Variants in CFAP410 observed in about 807,000 individuals in gnomAD.
CFAP410 encodes cilia- and flagella-associated protein 410.
A neutral mutation model predicts 25.7 loss-of-function variants in CFAP410; 27 were observed. The observed-to-expected ratio is 1.05, with a 90% CI of 0.77 to 1.45. CFAP410 has a LOEUF of 1.45. Ranked by LOEUF, CFAP410 falls within the 40% of genes most tolerant of loss-of-function variation. The pLI, the probability that CFAP410 is intolerant of heterozygous loss-of-function variation, is 0.00. For synonymous variants in CFAP410, 178 were observed against 158.4 expected (o/e 1.12, Z -0.93); for missense variants, 428 against 354.1 (o/e 1.21, Z -1.67).
At chr21:44,330,993 C>A in intron 5 of CFAP410, 74 bp from the exon 6 acceptor site, 1 of 1,319,644 alleles carries the variant, frequency 7.6e-7, no homozygotes, top group South Asian at 1.5e-5. Context: ...ACCCTGTCTG[C>A]GGGTCGCATC....
chr21:44,333,473 G>A, intron 3 of CFAP410: 1 of 593,888 alleles, frequency 1.7e-6, no homozygotes, highest in East Asian at 2.8e-5. Flanking sequence ...AAGGCGGACT[G>A]GGGTGGACCC....
intron 4 of CFAP410, chr21:44,332,830 A>T: frequency 1.7e-6 from 1 of 595,786 alleles, no homozygotes. Context: ...GAGGGACCCT[A>T]CGCTGCGCTG....
intron 3 of CFAP410, chr21:44,334,574 C>T: frequency 3.6e-6 from 1 of 276,144 alleles, no homozygotes; most frequent in South Asian, 3.0e-5. Context: ...TGCTCAACCT[C>T]TGGACTCGGG....
rs2047782613 is a variant in CFAP410 at position 44,337,749 on chromosome 21, A to G, written c.78-82T>C. On this transcript the variant is annotated intron_variant, in intron 1 of 6. Coordinates refer to ENST00000339818, the MANE Select transcript of CFAP410 (RefSeq NM_004928.3). Reference sequence around the variant, plus strand: ...AAGACAAAAATTCCAAAAATCACCGATGACTCCCTACAAACCTTAAGATTC... The same window carrying G: ...AAGACAAAAATTCCAAAAATCACCGGTGACTCCCTACAAACCTTAAGATTC... 9.0e-6 allele frequency: 10 copies of G among 1,110,196 alleles called. No homozygotes were observed. The Admixed American group carries it at 1.6e-4, about 18-fold the overall frequency. 68.8% of individuals were successfully genotyped at this position (1,110,196 alleles called of 1,614,324 possible).
intron 2 of CFAP410, among the ~76,000 whole-genome samples, chr21:44,336,548 C>T (rs2047759885): frequency 6.6e-6 from 1 of 152,170 alleles, no homozygotes. Flanking sequence ...GCAAAGCTCC[C>T]ACATATGTGA....
At position 44,333,174 on chromosome 21, in the gene CFAP410, C is replaced by T; in HGVS notation, c.232G>A (p.Ala78Thr). The T allele has an allele frequency of 6.2e-7, 1 of 1,612,876 alleles. No homozygotes were observed. The highest frequency in any genetic ancestry group is 1.3e-5 in the African/African-American group (1 of 75,060). The change falls in exon 4 of 7, where the codon GCT becomes ACT. Residue 78 changes from alanine (A) to threonine (T), a missense_variant. Coordinates refer to ENST00000339818, the MANE Select transcript of CFAP410 (RefSeq NM_004928.3). ...YLRRNRIPSLAELFYLKGLPR... is the reference protein window; with the variant it reads ...YLRRNRIPSLTELFYLKGLPR... ...AGCCCCTTCAGGTAGAAGAGCTCAGCCAGGCTGGGGATGCGGTTCCTCCGC... is the reference window on the plus strand; with the variant it reads ...AGCCCCTTCAGGTAGAAGAGCTCAGTCAGGCTGGGGATGCGGTTCCTCCGC...
chr21:44,334,135 C>T (rs1023602057), intron 3 of CFAP410: 10 of 456,190 alleles, frequency 2.2e-5, no homozygotes, highest in Non-Finnish European at 3.1e-5. Context: ...GCGTGATGTA[C>T]CGACCGCGTC....
chr21:44,330,367 C>T (rs769483508), intron 6 of CFAP410, 41 bp from the exon 7 acceptor site: 26 of 1,586,756 alleles, frequency 1.6e-5, no homozygotes, highest in Admixed American at 5.1e-5. Context: ...CCCGGCACGG[C>T]GAGGCTGCTT....
chr21:44,334,339 T>C, intron 3 of CFAP410: 1 of 448,918 alleles, frequency 2.2e-6, no homozygotes, highest in South Asian at 1.6e-5. Flanking sequence ...TAGGGCTGGA[T>C]CCACAGCCCC....
At position 44,339,123 on chromosome 21, in the gene CFAP410, G is replaced by C; in HGVS notation, c.72C>G (p.Asn24Lys). The change falls in exon 1 of 7, where the codon AAC becomes AAG. Residue 24 changes from asparagine (N) to lysine (K), a missense_variant. Coordinates refer to ENST00000339818, the MANE Select transcript of CFAP410 (RefSeq NM_004928.3). ...ASELHSVRKL[N>K]CWGSRLTDIS... ...GCGGCCAGGCCCCGCCTCACCAGCA[G>C]TTGAGCTTGCGCACGCTGTGCAGCT... 1 of 1,454,590 alleles carries C rather than the reference G, an allele frequency of 6.9e-7. No individual in the cohort carries two copies. The highest frequency in any genetic ancestry group is 3.1e-5 in the East Asian group (1 of 32,692). The allele number at this position is 1,454,590 out of a possible 1,614,324, so 90.1% of individuals were successfully genotyped here.
chr21:44,330,912 C>A lies in CFAP410; in HGVS notation c.553G>T (p.Ala185Ser). The change falls in exon 6 of 7, where the codon GCC becomes TCC. Residue 185 changes from alanine to serine, a missense_variant. Transcript: ENST00000339818. ...LDSEEEATSG[A>S]QDERGLKPPS... The stretch of plus-strand genomic sequence containing the variant: ...GGCTTCAGGCCACGTTCATCCTGGG[C>A]GCCGCTGCTGAGAGGGAGACAAAGG... 1.9e-6 allele frequency: 3 copies of A among 1,592,166 alleles called. No individual in the cohort carries two copies. The highest frequency in any genetic ancestry group is 2.6e-6 in the Non-Finnish European group (3 of 1,166,448).
At position 44,339,162 on chromosome 21, in the gene CFAP410, C is replaced by T. The variant is rs11870; in HGVS notation, c.33G>A (p.Arg11=). ...CGCTGTGCAGCTCCGAGGCCTTGGCCCGGGTCAGAACCATCTTCCGCGTCA... is the reference window on the plus strand; with the variant it reads ...CGCTGTGCAGCTCCGAGGCCTTGGCTCGGGTCAGAACCATCTTCCGCGTCA... MKLTRKMVLT[R]AKASELHSVR... The change falls in exon 1 of 7, where the codon CGG becomes CGA. Residue 11 remains arginine, a synonymous_variant. Coordinates refer to ENST00000339818, the MANE Select transcript of CFAP410 (RefSeq NM_004928.3). 0.23 allele frequency: 338,502 copies of T among 1,470,992 alleles called. 42,087 individuals are homozygous for T. Among genetic ancestry groups the T allele is most frequent in the African/African-American group, 0.43 (29,032 of 67,842 alleles). 91.1% of individuals were successfully genotyped at this position (1,470,992 alleles called of 1,614,324 possible). A position where few individuals can be genotyped will look rare whatever the true frequency, so the allele number is the denominator to read the frequency against.
At chr21:44,337,599 C>T in intron 2 of CFAP410, 50 bp downstream of exon 2, 1 of 1,564,678 alleles carries the variant, frequency 6.4e-7, no homozygotes, top group Non-Finnish European at 8.7e-7. Context: ...TGGGTTGAGG[C>T]TATTTGGAGA....
Position 44,330,109 on chromosome 21 carries a change from G to T in CFAP410, c.*89C>A. On this transcript the variant is annotated 3_prime_UTR_variant, in exon 7 of 7. Coordinates refer to ENST00000339818, the MANE Select transcript of CFAP410 (RefSeq NM_004928.3). Reference sequence around the variant, plus strand: ...GAGGCTTTTGTGTGGGGCCGGGGCTGCGGCCATGGCAGCCACCCTCCAGCT... The same window carrying T: ...GAGGCTTTTGTGTGGGGCCGGGGCTTCGGCCATGGCAGCCACCCTCCAGCT... 7.0e-7 allele frequency: 1 copy of T among 1,419,744 alleles called. No homozygotes were observed. Among genetic ancestry groups the T allele is most frequent in the Non-Finnish European group, 9.5e-7 (1 of 1,053,760 alleles). The allele number at this position is 1,419,744 out of a possible 1,614,324, so 87.9% of individuals were successfully genotyped here.
Position 44,339,277 on chromosome 21 carries a change from G to C in CFAP410, c.-83C>G. ...ACGACTGCGCGGCGCGTGTCTCCAGGGGCGGGGCCCGCGTCGTCAGGGGCG... is the reference window on the plus strand; with the variant it reads ...ACGACTGCGCGGCGCGTGTCTCCAGCGGCGGGGCCCGCGTCGTCAGGGGCG... On this transcript the variant is annotated 5_prime_UTR_variant, in exon 1 of 7. Transcript: ENST00000339818. The C allele has an allele frequency of 1.1e-6, 1 of 889,358 alleles. No individual in the cohort carries two copies. The highest frequency in any genetic ancestry group is 1.6e-6 in the Non-Finnish European group (1 of 634,412). The allele number at this position is 889,358 out of a possible 1,614,324, so 55.1% of individuals were successfully genotyped here. A position where few individuals can be genotyped will look rare whatever the true frequency, so the allele number is the denominator to read the frequency against.
intron 3 of CFAP410, 189 bp downstream of exon 3, chr21:44,335,569 G>A: frequency 1.6e-6 from 1 of 606,420 alleles, no homozygotes; most frequent in South Asian, 2.0e-5. Context: ...TGAGGAAGGA[G>A]GGCTGAACAT....
At chr21:44,334,352 C>T (rs2047708442) in intron 3 of CFAP410, 4 of 437,200 alleles carry the variant, frequency 9.1e-6, no homozygotes, top group Non-Finnish European at 1.9e-5. Flanking sequence ...ACAGCCCCGC[C>T]CCAAGCTTCC....
rs1478299726 is a variant in CFAP410, at chr21:44,339,122, A to T, written c.73T>A (p.Cys25Ser). The change falls in exon 1 of 7, where the codon TGC becomes AGC. Residue 25 changes from cysteine (C) to serine (S), a missense_variant. Transcript: ENST00000339818. ...SELHSVRKLNCWGSRLTDISI... is the reference protein window; with the variant it reads ...SELHSVRKLNSWGSRLTDISI... ...CGCGGCCAGGCCCCGCCTCACCAGCAGTTGAGCTTGCGCACGCTGTGCAGC... is the reference window on the plus strand; with the variant it reads ...CGCGGCCAGGCCCCGCCTCACCAGCTGTTGAGCTTGCGCACGCTGTGCAGC... 1.2e-5 allele frequency: 18 copies of T among 1,444,296 alleles called. No homozygotes were observed. Among genetic ancestry groups the T allele is most frequent in the Non-Finnish European group, 1.6e-5 (17 of 1,091,744 alleles). The allele number at this position is 1,444,296 out of a possible 1,614,324, so 89.5% of individuals were successfully genotyped here. A position where few individuals can be genotyped will look rare whatever the true frequency, so the allele number is the denominator to read the frequency against.
intron 2 of CFAP410, among the ~76,000 whole-genome samples, chr21:44,336,027 GCGGCCCTGCT>G (rs1568991245): frequency 1.6e-4 from 13 of 81,482 alleles, no homozygotes; most frequent in Admixed American, 5.5e-4. Context: ...CCTGAGGGGA[GCGGCCCTGCT>G]CAGCCAGTGT....
Sources: allele counts gnomAD v4.1 joint callset (sites outside exome capture counted in the v4.1 genomes callset), GRCh38; gene constraint gnomAD v4.1.1; transcripts MANE v1.5; gene names NCBI Gene and HGNC (gene_info 2026-07-23, HGNC 2026-07-21).